IPCEF1: variants seen among roughly 807,000 people sequenced by gnomAD.
IPCEF1 encodes interactor protein for cytohesin exchange factors 1.
IPCEF1 carries 31 observed loss-of-function variants against 50.9 expected under a neutral mutation model. That is an observed-to-expected ratio of 0.61 (90% CI 0.46 to 0.82). The LOEUF is 0.82. IPCEF1 is among the 40% of genes least tolerant of loss of function. The pLI is 0.00. For synonymous variants in IPCEF1, 181 were observed against 192.0 expected (o/e 0.94, Z 0.47); for missense variants, 458 against 514.0 (o/e 0.89, Z 1.05).
At chr6:154,285,598 G>A (rs904260647) in intron 2 of IPCEF1, among the ~76,000 whole-genome samples, 3 of 152,024 alleles carry the variant, frequency 2.0e-5, no homozygotes, top group Non-Finnish European at 4.4e-5. Context: ...CTCCATATAA[G>A]TATTCTTTCA....
At chr6:154,198,928 C>T (rs1231058786) in intron 10 of IPCEF1, among the ~76,000 whole-genome samples, 1 of 152,098 alleles carries the variant, frequency 6.6e-6, no homozygotes, top group African/African-American at 2.4e-5. Flanking sequence ...ATCAGGTAAG[C>T]GTGTTTTACA....
chr6:154,165,734 T>C (rs1028814610), intron 11 of IPCEF1, among the ~76,000 whole-genome samples: 2 of 152,258 alleles, frequency 1.3e-5, no homozygotes, highest in African/African-American at 2.4e-5. Flanking sequence ...TTGCTTCTAC[T>C]GAATAGAATA....
At chr6:154,299,004 G>GCATA (rs1782732042) in intron 1 of IPCEF1, among the ~76,000 whole-genome samples, 1 of 140,094 alleles carries the variant, frequency 7.1e-6, no homozygotes, top group Admixed American at 7.4e-5. Context: ...TTGTGCACAT[G>GCATA]CATACACACA....
At chr6:154,216,534 T>C (rs1394129359) in intron 7 of IPCEF1, among the ~76,000 whole-genome samples, 2 of 152,160 alleles carry the variant, frequency 1.3e-5, no homozygotes, top group Non-Finnish European at 2.9e-5. Flanking sequence ...TGTGCATGAA[T>C]TGGTATGCAT....
intron 10 of IPCEF1, among the ~76,000 whole-genome samples, chr6:154,195,945 C>A (rs1028463488): frequency 6.6e-6 from 1 of 151,944 alleles, no homozygotes; most frequent in Admixed American, 6.6e-5. Flanking sequence ...GTGTGTGCCA[C>A]CATACCTGGC....
At chr6:154,223,313 T>C in intron 5 of IPCEF1, 70 bp from the exon 6 acceptor site, 1 of 1,156,048 alleles carries the variant, frequency 8.7e-7, no homozygotes, top group Non-Finnish European at 1.3e-6. Flanking sequence ...TGAGATCATA[T>C]ACATGGAATA....
chr6:154,200,523 C>A (rs768676487), intron 9 of IPCEF1, among the ~76,000 whole-genome samples: 1 of 152,080 alleles, frequency 6.6e-6, no homozygotes, highest in Non-Finnish European at 1.5e-5. Flanking sequence ...GAGTTTGAGA[C>A]CAGCCGGGCC....
chr6:154,226,049 A>T (rs1254808731), intron 5 of IPCEF1, among the ~76,000 whole-genome samples: 1 of 151,952 alleles, frequency 6.6e-6, no homozygotes, highest in Non-Finnish European at 1.5e-5. Context: ...TTTTCCTCTA[A>T]CTATGCCTTC....
chr6:154,334,542 G>A (rs1477582148), intron 1 of IPCEF1, among the ~76,000 whole-genome samples: 1 of 152,230 alleles, frequency 6.6e-6, no homozygotes, highest in African/African-American at 2.4e-5. Flanking sequence ...GATGACCCAG[G>A]CTGGGAGGCA....
At chr6:154,262,615 C>A (rs1010231577) in intron 3 of IPCEF1, among the ~76,000 whole-genome samples, 1 of 152,146 alleles carries the variant, frequency 6.6e-6, no homozygotes, top group African/African-American at 2.4e-5. Context: ...ATAAGATGAA[C>A]TTCCTCCAGT....
chr6:154,354,632 A>C (rs1225498768), intron 1 of IPCEF1, among the ~76,000 whole-genome samples: 1 of 142,720 alleles, frequency 7.0e-6, no homozygotes, highest in Non-Finnish European at 1.5e-5. Context: ...ACCACTTCCA[A>C]CACCACCCCC....
intron 5 of IPCEF1, among the ~76,000 whole-genome samples, chr6:154,225,724 TA>T (rs1324891287): frequency 6.6e-6 from 1 of 152,256 alleles, no homozygotes; most frequent in African/African-American, 2.4e-5. Context: ...CTGCTCACTT[TA>T]AAGTAATTAA....
chr6:154,295,915 A>G (rs62435683), intron 1 of IPCEF1, among the ~76,000 whole-genome samples: 577 of 10,500 alleles, frequency 0.055, 2 homozygotes, highest in East Asian at 0.11. Context: ...ACACACGCAC[A>G]CACACACACA....
chr6:154,244,384 C>A (rs1398639878), intron 5 of IPCEF1, among the ~76,000 whole-genome samples: 1 of 151,520 alleles, frequency 6.6e-6, no homozygotes, highest in Non-Finnish European at 1.5e-5. Flanking sequence ...AGTTTTATAA[C>A]CATTAGTTTG....
At chr6:154,209,127 A>T (rs1485458904) in intron 9 of IPCEF1, among the ~76,000 whole-genome samples, 1 of 152,246 alleles carries the variant, frequency 6.6e-6, no homozygotes, top group East Asian at 1.9e-4. Context: ...AGCAATTAGA[A>T]TGATTAGACT....
chr6:154,282,824 T>G (rs1782257239), intron 2 of IPCEF1, among the ~76,000 whole-genome samples: 1 of 152,210 alleles, frequency 6.6e-6, no homozygotes, highest in African/African-American at 2.4e-5. Flanking sequence ...TGTCCCTTTT[T>G]TCTGGGGTGT....
At chr6:154,203,968 T>G (rs182742321) in intron 9 of IPCEF1, among the ~76,000 whole-genome samples, 1 of 152,300 alleles carries the variant, frequency 6.6e-6, no homozygotes, top group East Asian at 1.9e-4. Context: ...CCTGACAAAA[T>G]GTTCTCATAA....
In IPCEF1 at chr6:154,235,268, C is replaced by T. The variant is rs147935902; in HGVS notation, c.246+11323G>A. Among the ~76,000 whole-genome samples the T allele has an allele frequency of 8.5e-3, 1,289 of 152,254 alleles. 15 individuals are homozygous for T. The highest frequency in any genetic ancestry group is 0.025 in the African/African-American group (1,058 of 41,558). ...GTAATAGGCCGGGCATGGTGGCTCA[C>T]GCCTGTAATCCCAGCACTTTGGGAG... is the stretch of plus-strand genomic sequence containing the variant. On this transcript the variant is annotated intron_variant, in intron 5 of 11. Coordinates refer to ENST00000367220, the MANE Select transcript of IPCEF1 (RefSeq NM_001130700.2).
intron 1 of IPCEF1, among the ~76,000 whole-genome samples, chr6:154,323,805 T>C (rs562495758): frequency 6.6e-6 from 1 of 152,164 alleles, no homozygotes; most frequent in East Asian, 1.9e-4. Context: ...ATACAAAAAT[T>C]AGCAGGGCAT....
Sources: gnomAD v4.1 joint callset for allele counts (sites outside exome capture counted in the v4.1 genomes callset) on GRCh38, gnomAD v4.1.1 for gene constraint, MANE v1.5 for transcripts, NCBI Gene and HGNC (gene_info 2026-07-23, HGNC 2026-07-21) for gene names.